PCLO: variants seen among roughly 807,000 people sequenced by gnomAD.
PCLO encodes the protein piccolo presynaptic cytomatrix protein, also known as protein piccolo.
A neutral mutation model predicts 427.5 loss-of-function variants in PCLO; 82 were observed. The ratio of observed to expected loss-of-function variants is 0.19; its 90% CI spans 0.16 to 0.23. The LOEUF is 0.23. Ranked by LOEUF, PCLO falls within the 10% of genes least tolerant of loss-of-function variation. The pLI is 1.00. For synonymous variants in PCLO, 2,357 were observed against 2,155.4 expected, an observed-to-expected ratio of 1.09 and a Z score of -2.59; for missense variants, 6,239 against 6,115.9, an observed-to-expected ratio of 1.02 and a Z score of -0.67.
chr7:83,135,558 T>C lies in PCLO; in HGVS notation c.1992A>G (p.Ala664=). The change falls in exon 3 of 25, where the codon GCA becomes GCG. Residue 664 remains alanine, a synonymous_variant. Coordinates refer to ENST00000333891, the MANE Select transcript of PCLO (RefSeq NM_033026.6). ...TCACTGCTGATGTAGTGGTAACAGG[T>C]GCAGTCTTCAGTTTGGGCTGGGGTG... ...PSSPQPKLKT[A]PVTTTSAVSK... The C allele has an allele frequency of 6.2e-7, 1 of 1,613,562 alleles. No individual in the cohort carries two copies. Among genetic ancestry groups the C allele is most frequent in the South Asian group, 1.1e-5 (1 of 91,048 alleles).
chr7:83,109,093 T>C (rs1003576274), intron 3 of PCLO, among the ~76,000 whole-genome samples: 2 of 152,168 alleles, frequency 1.3e-5, no homozygotes, highest in Non-Finnish European at 2.9e-5. Flanking sequence ...CACTTTGTTA[T>C]GCCTATAAAC....
chr7:82,822,529 G>A lies in PCLO; in HGVS notation c.14757C>T (p.Ala4919=), dbSNP rs746086173. 1.5e-5 allele frequency: 24 copies of A among 1,613,640 alleles called. No homozygotes were observed. The highest frequency in any genetic ancestry group is 4.4e-5 in the South Asian group (4 of 91,078). The change falls in exon 20 of 25, where the codon GCC becomes GCT. Residue 4919 remains alanine, a synonymous_variant. Coordinates refer to ENST00000333891, the MANE Select transcript of PCLO (RefSeq NM_033026.6). ...LEDAGAAIAA[A]EAAVQQLRIQ... ...TGCGGAGTTGTTGCACGGCAGCTTC[G>A]GCAGCAGCTATGGCAGCCCCTGCAT...
At chr7:83,150,855 A>G (rs1490223517) in intron 2 of PCLO, among the ~76,000 whole-genome samples, 1 of 152,238 alleles carries the variant, frequency 6.6e-6, no homozygotes, top group Admixed American at 6.5e-5. Context: ...GGATGTCCCT[A>G]TCTTGCATAG....
rs1583958231 is a variant in PCLO, at chr7:82,772,924, A to C, written c.15008-11431T>G. Among the ~76,000 whole-genome samples the C allele has an allele frequency of 2.0e-5, 3 of 152,218 alleles. No individual in the cohort carries two copies. The South Asian group carries it at 6.2e-4, about 31-fold the overall frequency. On this transcript the variant is annotated intron_variant, in intron 22 of 24. Transcript: ENST00000333891. The stretch of plus-strand genomic sequence containing the variant: ...AACTGAAATTGTAAATGGACATTAC[A>C]TTTAAAACATCTAGAGTTTTGAAAT...
chr7:82,934,652 A>G (rs1794910851), intron 6 of PCLO, among the ~76,000 whole-genome samples: 1 of 151,654 alleles, frequency 6.6e-6, no homozygotes. Flanking sequence ...ATTTCAGAGC[A>G]TGTCTAGGAA....
chr7:82,950,028 C>A lies in PCLO; in HGVS notation c.10560G>T (p.Thr3520=). Residue 3520 remains threonine (T), a synonymous_variant, in exon 6 of 25, where the codon ACG becomes ACT. Transcript: ENST00000333891. ...CAGTTTGCACAGATATCTCTGCTAC[C>A]GTTTGAACTGCTATGCTGGAGACTT... ...LSKVSSIAVQ[T]VAEISVQTEP... 1.2e-6 allele frequency: 2 copies of A among 1,612,930 alleles called. No individual in the cohort carries two copies. Among genetic ancestry groups the A allele is most frequent in the African/African-American group, 1.3e-5 (1 of 74,658 alleles).
chr7:83,144,526 G>A (rs548625806), intron 2 of PCLO, among the ~76,000 whole-genome samples: 1 of 152,118 alleles, frequency 6.6e-6, no homozygotes, highest in African/African-American at 2.4e-5. Flanking sequence ...GTGAATAGAT[G>A]CTCCTTACAA....
intron 9 of PCLO, among the ~76,000 whole-genome samples, chr7:82,895,368 C>A (rs1474811526): frequency 6.6e-6 from 1 of 151,712 alleles, no homozygotes; most frequent in Non-Finnish European, 1.5e-5. Context: ...TGTCACAAAA[C>A]AAGAAAGCTC....
chr7:83,088,322 TCCCTGGGGAACAAAGTGGAC>T, intron 3 of PCLO, among the ~76,000 whole-genome samples: 1 of 152,154 alleles, frequency 6.6e-6, no homozygotes, highest in Non-Finnish European at 1.5e-5. Context: ...AGGCTTTGCA[TCCCTGGGGAACAAAGTGGAC>T]GCACTGTGTG....
In PCLO at chr7:83,129,101, T is replaced by C. The variant is rs537123607; in HGVS notation, c.3300+5149A>G. Among the ~76,000 whole-genome samples, 11 of 152,290 alleles carry C rather than the reference T, an allele frequency of 7.2e-5. 1 individual carries two copies. Among genetic ancestry groups the C allele is most frequent in the African/African-American group, 2.4e-4 (10 of 41,576 alleles). ...AGTACCTTAGGTTTTCTAAACAATA[T>C]AGTAAAGAGACCACTGGCTTAACCT... On this transcript the variant is annotated intron_variant, in intron 3 of 24. Coordinates refer to ENST00000333891, the MANE Select transcript of PCLO (RefSeq NM_033026.6).
At chr7:82,968,737 T>G (rs1795837241) in intron 3 of PCLO, among the ~76,000 whole-genome samples, 1 of 152,028 alleles carries the variant, frequency 6.6e-6, no homozygotes, top group Non-Finnish European at 1.5e-5. Flanking sequence ...CTAGGATTGG[T>G]CTAGATCTCC....
intron 3 of PCLO, among the ~76,000 whole-genome samples, chr7:83,125,928 C>G (rs1005854697): frequency 2.0e-5 from 3 of 151,938 alleles, no homozygotes; most frequent in Non-Finnish European, 4.4e-5. Context: ...TATGCACTCC[C>G]ATGTTTACTG....
intron 6 of PCLO, among the ~76,000 whole-genome samples, chr7:82,947,261 A>G (rs1795225341): frequency 6.6e-6 from 1 of 152,120 alleles, no homozygotes; most frequent in South Asian, 2.1e-4. Context: ...TATCTTTTAC[A>G]GTGTATTATG....
At chr7:82,821,713 G>A (rs1370664752) in intron 20 of PCLO, 1 of 983,028 alleles carries the variant, frequency 1.0e-6, no homozygotes. Flanking sequence ...GATTTCCAAT[G>A]GTTAGAAAAA....
intron 3 of PCLO, among the ~76,000 whole-genome samples, chr7:83,058,518 A>G: frequency 6.6e-6 from 1 of 152,364 alleles, no homozygotes; most frequent in South Asian, 2.1e-4. Flanking sequence ...GTTATGCAAT[A>G]TAACTACCAT....
chr7:82,919,694 A>G (rs995996456), intron 6 of PCLO, among the ~76,000 whole-genome samples: 5 of 151,880 alleles, frequency 3.3e-5, no homozygotes, highest in Admixed American at 6.6e-5. Context: ...ATGTGGGAAG[A>G]ATACAAGAGC....
chr7:82,980,545 T>C (rs1216712333), intron 3 of PCLO, among the ~76,000 whole-genome samples: 3 of 152,158 alleles, frequency 2.0e-5, no homozygotes, highest in African/African-American at 2.4e-5. Context: ...TCCAAGCCTT[T>C]GATTGTGCTC....
At chr7:82,935,406 A>G (rs1385952367) in intron 6 of PCLO, among the ~76,000 whole-genome samples, 1 of 151,320 alleles carries the variant, frequency 6.6e-6, no homozygotes. Flanking sequence ...AGTATCTAGT[A>G]GTTTGCTTGG....
chr7:83,128,939 C>A (rs1791506893), intron 3 of PCLO, among the ~76,000 whole-genome samples: 1 of 152,144 alleles, frequency 6.6e-6, no homozygotes, highest in Non-Finnish European at 1.5e-5. Context: ...AACCATGTAA[C>A]AGCCATCATT....
Sources: allele counts gnomAD v4.1 joint callset (sites outside exome capture counted in the v4.1 genomes callset), GRCh38; gene constraint gnomAD v4.1.1; transcripts MANE v1.5; gene names NCBI Gene and HGNC (gene_info 2026-07-23, HGNC 2026-07-21).